MYT1L: variants seen among roughly 807,000 people sequenced by gnomAD.
MYT1L encodes the protein myelin transcription factor 1-like protein.
In MYT1L, 12 loss-of-function variants were observed where a neutral mutation model predicts 126.7. That is an observed-to-expected ratio of 0.09 (90% CI 0.06 to 0.15). MYT1L has a LOEUF of 0.15. Ranked by LOEUF, MYT1L falls within the 10% of genes least tolerant of loss-of-function variation. MYT1L has a pLI of 1.00. For missense variants in MYT1L, 979 were observed against 1,585.2 expected (o/e 0.62, Z 6.49); for synonymous variants, 541 against 604.2 (o/e 0.90, Z 1.53).
At chr2:1,974,252 C>T (rs112904155) in intron 8 of MYT1L, among the ~76,000 whole-genome samples, 30 of 152,268 alleles carry the variant, frequency 2.0e-4, no homozygotes, top group African/African-American at 6.5e-4. Flanking sequence ...CCAGTGCCCC[C>T]GGCCACCTCT....
intron 3 of MYT1L, among the ~76,000 whole-genome samples, chr2:2,153,829 T>C (rs925270532): frequency 5.9e-5 from 9 of 152,130 alleles, no homozygotes; most frequent in Admixed American, 5.2e-4. Flanking sequence ...GGGTGGCATC[T>C]GAAGAGGTTG....
At chr2:1,836,720 A>G (rs569836686) in intron 21 of MYT1L, among the ~76,000 whole-genome samples, 1 of 144,640 alleles carries the variant, frequency 6.9e-6, no homozygotes, top group Non-Finnish European at 1.5e-5. Flanking sequence ...TGCATCCCAA[A>G]ATTCCATCAG....
chr2:2,052,193 A>G (rs892382694), intron 4 of MYT1L, among the ~76,000 whole-genome samples: 1 of 152,198 alleles, frequency 6.6e-6, no homozygotes, highest in Non-Finnish European at 1.5e-5. Flanking sequence ...CATTTATTGG[A>G]GCAAGGACAG....
intron 18 of MYT1L, among the ~76,000 whole-genome samples, chr2:1,875,040 C>A (rs1458621339): frequency 2.0e-5 from 3 of 152,152 alleles, no homozygotes; most frequent in African/African-American, 7.2e-5. Context: ...CTCATTTATT[C>A]ATTAGCTTTT....
chr2:2,287,938 A>G, intron 1 of MYT1L, among the ~76,000 whole-genome samples: 1 of 152,204 alleles, frequency 6.6e-6, no homozygotes, highest in East Asian at 1.9e-4. Flanking sequence ...GCTAAACACA[A>G]GGCCTTACAT....
intron 8 of MYT1L, among the ~76,000 whole-genome samples, chr2:1,976,119 C>CAAAAA (rs10622987): frequency 1.7e-4 from 18 of 104,242 alleles, no homozygotes; most frequent in African/African-American, 2.3e-4. Context: ...GTTAAAAGAC[C>CAAAAA]AAAAAAAAAA....
intron 1 of MYT1L, among the ~76,000 whole-genome samples, chr2:2,323,360 A>C (rs920393413): frequency 3.3e-5 from 5 of 152,194 alleles, no homozygotes; most frequent in Non-Finnish European, 4.4e-5. Flanking sequence ...AAATCAAGTG[A>C]TCTAAAATAT....
intron 8 of MYT1L, among the ~76,000 whole-genome samples, chr2:1,956,030 C>T (rs1490910790): frequency 1.3e-5 from 2 of 151,104 alleles, no homozygotes; most frequent in Admixed American, 6.6e-5. Context: ...CTTCATCATC[C>T]CTAGTTCTAT....
chr2:1,907,583 T>C (rs570940484), intron 13 of MYT1L, among the ~76,000 whole-genome samples: 1 of 152,302 alleles, frequency 6.6e-6, no homozygotes, highest in African/African-American at 2.4e-5. Flanking sequence ...TAGAGGGCCA[T>C]ACGCCACACC....
chr2:2,329,971 G>GT lies in MYT1L; in HGVS notation c.-521+995dup, dbSNP rs554154486. Among the ~76,000 whole-genome samples the GT allele has an allele frequency of 3.4e-3, 492 of 143,592 alleles. 2 individuals carry two copies. Among genetic ancestry groups the GT allele is most frequent in the South Asian group, 0.01 (47 of 4,510 alleles). The allele number at this position is 143,592 out of a possible 152,430, so 94.2% of individuals were successfully genotyped here. A position where few individuals can be genotyped will look rare whatever the true frequency, so the allele number is the denominator to read the frequency against. On this transcript the variant is annotated intron_variant, in intron 1 of 24. Coordinates refer to ENST00000647738, the MANE Select transcript of MYT1L (RefSeq NM_001303052.2). ...TGAAAACTTATAGGAATGCAATGCTGTTTTTTTTTTTGAAAAGGAATATTT... is the reference window on the plus strand; with the variant it reads ...TGAAAACTTATAGGAATGCAATGCTGTTTTTTTTTTTTGAAAAGGAATATTT...
intron 3 of MYT1L, among the ~76,000 whole-genome samples, chr2:2,142,642 C>T (rs186855085): frequency 6.6e-6 from 1 of 152,108 alleles, no homozygotes; most frequent in Non-Finnish European, 1.5e-5. Context: ...GTTCCCACTG[C>T]CTTGTGAGCT....
At chr2:1,938,462 C>T (rs1272749943) in intron 9 of MYT1L, among the ~76,000 whole-genome samples, 2 of 152,132 alleles carry the variant, frequency 1.3e-5, no homozygotes, top group African/African-American at 4.8e-5. Flanking sequence ...AAACAAAATT[C>T]TTCATGCAAA....
intron 2 of MYT1L, among the ~76,000 whole-genome samples, chr2:2,207,279 T>C (rs1172384834): frequency 6.6e-6 from 1 of 152,216 alleles, no homozygotes; most frequent in African/African-American, 2.4e-5. Context: ...ATTCTATATC[T>C]ACACTACACA....
Position 2,224,951 on chromosome 2 carries a change from C to T in MYT1L, c.-420-51963G>A, listed in dbSNP as rs754350977. Among the ~76,000 whole-genome samples, 33 of 152,196 alleles carry T rather than the reference C, an allele frequency of 2.2e-4. No homozygotes were observed. The highest frequency in any genetic ancestry group is 6.3e-4 in the African/African-American group (26 of 41,538). Reference sequence around the variant, plus strand: ...CCTCATGCTTGTTTGCTGGGCTCCACGCTGGGTTTGAGGTTCTGTCACCGT... The same window carrying T: ...CCTCATGCTTGTTTGCTGGGCTCCATGCTGGGTTTGAGGTTCTGTCACCGT... On this transcript the variant is annotated intron_variant, in intron 2 of 24. Transcript: ENST00000647738. This position sits in a 1 kb window ranked among gnomAD's most constrained non-coding sequence, Gnocchi z 4.0.
At chr2:2,313,016 G>T (rs1301674135) in intron 1 of MYT1L, among the ~76,000 whole-genome samples, 1 of 152,054 alleles carries the variant, frequency 6.6e-6, no homozygotes, top group Non-Finnish European at 1.5e-5. Flanking sequence ...AGTGTCCTGG[G>T]CAGAGGAGAA....
intron 1 of MYT1L, chr2:2,326,195 A>T (rs2096244396): frequency 6.6e-6 from 1 of 152,184 alleles, no homozygotes. Flanking sequence ...TGGCGCCCGC[A>T]CTCCACCAGC....
At chr2:2,107,511 A>G (rs901614074) in intron 3 of MYT1L, among the ~76,000 whole-genome samples, 3 of 152,254 alleles carry the variant, frequency 2.0e-5, no homozygotes, top group Non-Finnish European at 4.4e-5. Context: ...CTAAGTGCCC[A>G]GAATAATCAA....
At chr2:1,877,797 T>TAAA (rs67706403) in intron 18 of MYT1L, among the ~76,000 whole-genome samples, 9 of 150,628 alleles carry the variant, frequency 6.0e-5, no homozygotes, top group African/African-American at 1.7e-4. Flanking sequence ...TCCTAAATTG[T>TAAA]AGAAAAAAAA....
rs150882704 is a variant in MYT1L, at chr2:1,936,046, C to T, written c.505+6936G>A. 1.8e-3 allele frequency among the ~76,000 whole-genome samples: 272 copies of T among 152,292 alleles called. 1 individual carries two copies. The highest frequency in any genetic ancestry group is 6.4e-3 in the African/African-American group (265 of 41,562). On this transcript the variant is annotated intron_variant, in intron 9 of 24. Transcript: ENST00000647738. ...CAAGCAATTATTCTGCCTCAGCCTC[C>T]CAAGTAGCTGGGATTGCAGGCATGT...
Sources: allele counts gnomAD v4.1 joint callset (sites outside exome capture counted in the v4.1 genomes callset), GRCh38; gene constraint gnomAD v4.1.1; non-coding constraint Gnocchi (gnomAD v3.1); transcripts MANE v1.5; gene names NCBI Gene and HGNC (gene_info 2026-07-23, HGNC 2026-07-21).